Variants in ITPR3 observed in about 807,000 individuals in gnomAD.
ITPR3 encodes the protein inositol 1,4,5-trisphosphate-gated calcium channel ITPR3.
A neutral mutation model predicts 293.2 loss-of-function variants in ITPR3; 173 were observed. The observed-to-expected ratio is 0.59, with a 90% CI of 0.52 to 0.67. The LOEUF (loss-of-function observed/expected upper bound fraction) is 0.67, where lower values mean the gene tolerates loss of function less well. ITPR3 is among the 30% of genes least tolerant of loss of function. ITPR3 has a pLI of 0.00. For missense variants in ITPR3, 2,796 were observed against 3,592.1 expected (o/e 0.78, Z 5.66); for synonymous variants, 1,295 against 1,444.4 (o/e 0.90, Z 2.35).
Position 33,687,612 on chromosome 6 carries a change from G to T in ITPR3, c.6264+48G>T. On this transcript the variant is annotated intron_variant, in intron 46 of 57. Coordinates refer to ENST00000605930, the MANE Select transcript of ITPR3 (RefSeq NM_002224.4). The surrounding 1 kb of genome is among the most constrained non-coding windows in gnomAD (Gnocchi z 5.3). Reference sequence around the variant, plus strand: ...GGGTGGGGGTGGGGCCTGGAACCCAGGGAGGACACTTGACCCAAGGGCGTG... The same window carrying T: ...GGGTGGGGGTGGGGCCTGGAACCCATGGAGGACACTTGACCCAAGGGCGTG... 1 of 1,469,146 alleles carries T rather than the reference G, an allele frequency of 6.8e-7. No homozygotes were observed. 91.0% of individuals were successfully genotyped at this position (1,469,146 alleles called of 1,614,324 possible). A position where few individuals can be genotyped will look rare whatever the true frequency, so the allele number is the denominator to read the frequency against.
At chr6:33,663,109 T>C in intron 9 of ITPR3, 103 bp downstream of exon 9, 2 of 962,830 alleles carry the variant, frequency 2.1e-6, no homozygotes, top group East Asian at 2.6e-5. Context: ...CATGTGCCTA[T>C]GGACCCTGAC....
chr6:33,684,259 C>T lies in ITPR3; in HGVS notation c.4937+91C>T. 2 of 1,594,324 alleles carry T rather than the reference C, an allele frequency of 1.3e-6. No individual in the cohort carries two copies. The highest frequency in any genetic ancestry group is 1.7e-6 in the Non-Finnish European group (2 of 1,166,178). ...TGGGGACTAGACAGGCTCACTGGGT[C>T]AGAGGGCCTGGGGGTGTTCCTGCCT... On this transcript the variant is annotated intron_variant, in intron 36 of 57. Coordinates refer to ENST00000605930, the MANE Select transcript of ITPR3 (RefSeq NM_002224.4). The surrounding 1 kb of genome is among the most constrained non-coding windows in gnomAD (Gnocchi z 4.2).
At chr6:33,673,092 C>T (rs1301409491) in intron 22 of ITPR3, among the ~76,000 whole-genome samples, 1 of 152,198 alleles carries the variant, frequency 6.6e-6, no homozygotes. Flanking sequence ...CCCCATGAGA[C>T]TGTGTGACTC....
rs764753 is a variant in ITPR3 at position 33,690,332 on chromosome 6, A to T, written c.7032+134A>T. The T allele has an allele frequency of 0.68, 636,974 of 937,034 alleles. 222,876 individuals are homozygous for T. Among genetic ancestry groups the T allele is most frequent in the East Asian group, 0.95 (35,874 of 37,842 alleles). The allele number at this position is 937,034 out of a possible 1,614,324, so 58.0% of individuals were successfully genotyped here. A position where few individuals can be genotyped will look rare whatever the true frequency, so the allele number is the denominator to read the frequency against. On this transcript the variant is annotated intron_variant, in intron 51 of 57. Coordinates refer to ENST00000605930, the MANE Select transcript of ITPR3 (RefSeq NM_002224.4). ...CTGCTGGGCTGGGAGCAGTGAAATT[A>T]CAGAGTCTTCATCTGCCTGACCCAA...
At position 33,683,999 on chromosome 6, in the gene ITPR3, ACT is replaced by A. The variant is rs764144339; in HGVS notation, c.4789-18_4789-17del. 22 of 1,579,998 alleles carry A rather than the reference ACT, an allele frequency of 1.4e-5. No individual in the cohort carries two copies. Among genetic ancestry groups the A allele is most frequent in the Admixed American group, 1.7e-5 (1 of 57,784 alleles). ...GGGTCATTTCTTGGGCCTGGCAATGACTCTGCCCTGCCCACCCCAGGACATCA... is the reference window on the plus strand; with the variant it reads ...GGGTCATTTCTTGGGCCTGGCAATGACTGCCCTGCCCACCCCAGGACATCA... On this transcript the variant is annotated intron_variant, in intron 35 of 57. Coordinates refer to ENST00000605930, the MANE Select transcript of ITPR3 (RefSeq NM_002224.4). This position sits in a 1 kb window ranked among gnomAD's most constrained non-coding sequence, Gnocchi z 4.5.
intron 1 of ITPR3, among the ~76,000 whole-genome samples, chr6:33,629,680 A>G (rs558913033): frequency 5.9e-5 from 9 of 151,678 alleles, no homozygotes; most frequent in Non-Finnish European, 1.3e-4. Context: ...GGGTTTCACC[A>G]TGTTGGGCAG....
At position 33,683,197 on chromosome 6, in the gene ITPR3, TCCCA is replaced by T; in HGVS notation, c.4598-5_4598-2del. On this transcript the variant is annotated splice_polypyrimidine_tract_variant and splice_region_variant and intron_variant, in intron 34 of 57. Transcript: ENST00000605930. The surrounding 1 kb of genome is among the most constrained non-coding windows in gnomAD (Gnocchi z 4.5). ...ACCAGCACTCCAGCACTCCCTCCCT[TCCCA>T]CCCAGCCAAGGGCCGGGCCATCTTG... 1 of 1,507,336 alleles carries T rather than the reference TCCCA, an allele frequency of 6.6e-7. No homozygotes were observed. The highest frequency in any genetic ancestry group is 1.3e-5 in the South Asian group (1 of 77,726). 93.4% of individuals were successfully genotyped at this position (1,507,336 alleles called of 1,614,324 possible).
chr6:33,631,025 C>G (rs144019032), intron 1 of ITPR3, among the ~76,000 whole-genome samples: 1,752 of 152,292 alleles, frequency 0.012, 21 homozygotes, highest in Middle Eastern at 0.031. Flanking sequence ...GTAGGTGTGA[C>G]TTTGGCTATC....
rs755167332 is a variant in ITPR3 at position 33,670,354 on chromosome 6, G to A, written c.2219G>A (p.Cys740Tyr). 6.2e-7 allele frequency: 1 copy of A among 1,614,036 alleles called. No homozygotes were observed. Among genetic ancestry groups the A allele is most frequent in the South Asian group, 1.1e-5 (1 of 91,074 alleles). Residue 740 changes from cysteine to tyrosine, a missense_variant, in exon 19 of 58, where the codon TGC becomes TAC. This residue lies in a region of ITPR3 where 955 missense variants were observed against 1,180.8 expected (regional missense o/e 0.81). Coordinates refer to ENST00000605930, the MANE Select transcript of ITPR3 (RefSeq NM_002224.4). The surrounding 1 kb of genome is among the most constrained non-coding windows in gnomAD (Gnocchi z 6.7). ...CAGCTGAAGCTCTTTGCCCGCATGT[G>A]CTTGGACCGCCAGTACTTGGCCATC... ...RYQLKLFARM[C>Y]LDRQYLAIDE...
Position 33,679,851 on chromosome 6 carries a change from G to C in ITPR3, c.3973-31G>C. ...GAGCCCAGGGCTTGCTGGACCGAGA[G>C]AGTGTGACACGTGCCCCCTCCCACC... is the stretch of plus-strand genomic sequence containing the variant. On this transcript the variant is annotated intron_variant, in intron 30 of 57. Coordinates refer to ENST00000605930, the MANE Select transcript of ITPR3 (RefSeq NM_002224.4). This position sits in a 1 kb window ranked among gnomAD's most constrained non-coding sequence, Gnocchi z 4.2. 7 of 1,592,888 alleles carry C rather than the reference G, an allele frequency of 4.4e-6. No homozygotes were observed. Among genetic ancestry groups the C allele is most frequent in the Non-Finnish European group, 6.0e-6 (7 of 1,166,612 alleles).
intron 2 of ITPR3, among the ~76,000 whole-genome samples, chr6:33,650,433 C>A (rs562237313): frequency 2.0e-5 from 3 of 152,304 alleles, no homozygotes; most frequent in Admixed American, 2.0e-4. Flanking sequence ...ACGGAGGAGT[C>A]AGGAGGAGCA....
rs753709144 is a variant in ITPR3, at chr6:33,633,886, C to T, written c.90-6598C>T. ...GGCGGGGCCAGGGAGGCCAGACCTA[C>T]GCTCTCCGGAGCCGCGCGGACCCAG... is the stretch of plus-strand genomic sequence containing the variant. On this transcript the variant is annotated intron_variant, in intron 1 of 57. Coordinates refer to ENST00000605930, the MANE Select transcript of ITPR3 (RefSeq NM_002224.4). This position sits in a 1 kb window ranked among gnomAD's most constrained non-coding sequence, Gnocchi z 5.2. 2.0e-5 allele frequency among the ~76,000 whole-genome samples: 3 copies of T among 150,262 alleles called. No homozygotes were observed. Among genetic ancestry groups the T allele is most frequent in the African/African-American group, 7.3e-5 (3 of 41,212 alleles).
chr6:33,623,297 A>G (rs1334034966), intron 1 of ITPR3, among the ~76,000 whole-genome samples: 1 of 146,160 alleles, frequency 6.8e-6, no homozygotes, highest in African/African-American at 2.5e-5. Context: ...GGCTGAACAC[A>G]TGATGATTTT....
At chr6:33,678,167 A>G (rs901252405) in intron 28 of ITPR3, among the ~76,000 whole-genome samples, 3 of 152,058 alleles carry the variant, frequency 2.0e-5, no homozygotes, top group South Asian at 2.1e-4. Context: ...TCTTGATCTC[A>G]GTATGTCCCA....
intron 2 of ITPR3, among the ~76,000 whole-genome samples, chr6:33,642,654 C>T (rs11755817): frequency 6.6e-6 from 1 of 152,040 alleles, no homozygotes; most frequent in Non-Finnish European, 1.5e-5. Flanking sequence ...CTCCTCTGTC[C>T]TCATTGCGCC....
intron 2 of ITPR3, among the ~76,000 whole-genome samples, chr6:33,648,058 TTC>T (rs1166455672): frequency 7.6e-6 from 1 of 130,974 alleles, no homozygotes; most frequent in African/African-American, 2.5e-5. Context: ...ATTATTCTAT[TTC>T]TTTTTCTTTT....
In ITPR3 at chr6:33,695,979, C is replaced by G; in HGVS notation, c.*199C>G. ...CAGAGCTGACAGTCCTGCTTAGAGC[C>G]CTTAAAAAGACTTGAAAGTTCACTG... On this transcript the variant is annotated 3_prime_UTR_variant, in exon 58 of 58. Transcript: ENST00000605930. The G allele has an allele frequency of 3.4e-6, 2 of 582,274 alleles. No homozygotes were observed. The allele number at this position is 582,274 out of a possible 1,614,324, so 36.1% of individuals were successfully genotyped here. A position where few individuals can be genotyped will look rare whatever the true frequency, so the allele number is the denominator to read the frequency against.
Position 33,667,661 on chromosome 6 carries a change from C to G in ITPR3, c.1714-131C>G. The G allele has an allele frequency of 9.9e-7, 1 of 1,005,796 alleles. No homozygotes were observed. Among genetic ancestry groups the G allele is most frequent in the Non-Finnish European group, 1.4e-6 (1 of 691,646 alleles). The allele number at this position is 1,005,796 out of a possible 1,614,324, so 62.3% of individuals were successfully genotyped here. ...CCACTCTTCTGCCCAGCGATGCTTC[C>G]TTTCCTGGACCTCTGCCTTTCTAGG... On this transcript the variant is annotated intron_variant, in intron 15 of 57. Coordinates refer to ENST00000605930, the MANE Select transcript of ITPR3 (RefSeq NM_002224.4). This position sits in a 1 kb window ranked among gnomAD's most constrained non-coding sequence, Gnocchi z 4.4.
In ITPR3 at chr6:33,683,212, G is replaced by C. The variant is rs1276051088; in HGVS notation, c.4603G>C (p.Gly1535Arg). ...CIRTLAMVAK[G>R]RAILLPMDLD... is the part of the protein sequence containing the mutation. Reference sequence around the variant, plus strand: ...CTCCCTCCCTTCCCACCCAGCCAAGGGCCGGGCCATCTTGCTGCCCATGGA... The same window carrying C: ...CTCCCTCCCTTCCCACCCAGCCAAGCGCCGGGCCATCTTGCTGCCCATGGA... Residue 1535 changes from glycine (G) to arginine (R), a missense_variant, in exon 35 of 58, where the codon GGC (glycine) becomes CGC (arginine). Physicochemically the swap from Gly to Arg is moderately radical, Grantham distance 125. This residue lies in a region of ITPR3 where 704 missense variants were observed against 797.5 expected (regional missense o/e 0.88). Coordinates refer to ENST00000605930, the MANE Select transcript of ITPR3 (RefSeq NM_002224.4). The surrounding 1 kb of genome is among the most constrained non-coding windows in gnomAD (Gnocchi z 4.5). 3.3e-6 allele frequency: 5 copies of C among 1,525,568 alleles called. No individual in the cohort carries two copies. The highest frequency in any genetic ancestry group is 3.5e-6 in the Non-Finnish European group (4 of 1,127,880). 94.5% of individuals were successfully genotyped at this position (1,525,568 alleles called of 1,614,324 possible).
Sources: allele counts gnomAD v4.1 joint callset (sites outside exome capture counted in the v4.1 genomes callset), GRCh38; gene constraint gnomAD v4.1.1; regional missense constraint gnomAD v4.1.1; non-coding constraint Gnocchi (gnomAD v3.1); transcripts MANE v1.5; gene names NCBI Gene and HGNC (gene_info 2026-07-23, HGNC 2026-07-21).